Variants in PAPSS2 observed in about 807,000 individuals in gnomAD.
The protein encoded by PAPSS2 is 3'-phosphoadenosine 5'-phosphosulfate synthase 2, also known as bifunctional 3'-phosphoadenosine 5'-phosphosulfate synthase 2.
PAPSS2 carries 61 observed loss-of-function variants against 66.5 expected under a neutral mutation model. The ratio of observed to expected loss-of-function variants is 0.92; its 90% confidence interval spans 0.75 to 1.14. The LOEUF (loss-of-function observed/expected upper bound fraction) is 1.14, where lower values mean the gene tolerates loss of function less well. PAPSS2 is among the 50% of genes most tolerant of loss of function. The probability of loss-of-function intolerance (pLI) is 0.00; values close to 1 mark genes in which losing one functional copy is unlikely to be tolerated. For missense variants in PAPSS2, 708 were observed against 789.6 expected (o/e 0.90, Z 1.24); for synonymous variants, 289 against 287.5 (o/e 1.01, Z -0.05).
intron 1 of PAPSS2, among the ~76,000 whole-genome samples, chr10:87,667,416 A>C (rs1289913146): frequency 1.3e-5 from 2 of 152,102 alleles, no homozygotes; most frequent in East Asian, 1.9e-4. Context: ...ATGCCATTAC[A>C]CTCCAGCCTG....
At chr10:87,737,136 G>T (rs1853810408) in intron 9 of PAPSS2, among the ~76,000 whole-genome samples, 1 of 152,080 alleles carries the variant, frequency 6.6e-6, no homozygotes, top group Non-Finnish European at 1.5e-5. Flanking sequence ...CTCTGGGTGG[G>T]TCTTCCCACC....
chr10:87,706,084 G>GTATATATATATATATATATA (rs532950801), intron 1 of PAPSS2, among the ~76,000 whole-genome samples: 92 of 60,048 alleles, frequency 1.5e-3, no homozygotes, highest in Non-Finnish European at 1.8e-3. Context: ...TCTTCACATG[G>GTATATATATATATATATATA]TATATATATA....
At chr10:87,730,514 C>T (rs1370176556) in intron 9 of PAPSS2, among the ~76,000 whole-genome samples, 1 of 152,090 alleles carries the variant, frequency 6.6e-6, no homozygotes, top group Non-Finnish European at 1.5e-5. Context: ...TTAATGTTTC[C>T]TAGATCCAGC....
intron 1 of PAPSS2, among the ~76,000 whole-genome samples, chr10:87,701,564 T>C (rs1442921877): frequency 6.6e-6 from 1 of 151,758 alleles, no homozygotes; most frequent in Non-Finnish European, 1.5e-5. Flanking sequence ...GCTGGGACTA[T>C]AGGCACGTGC....
intron 1 of PAPSS2, among the ~76,000 whole-genome samples, chr10:87,671,302 C>T (rs147379941): frequency 2.6e-5 from 4 of 152,226 alleles, no homozygotes; most frequent in African/African-American, 9.6e-5. Flanking sequence ...ATGATGCAGG[C>T]GCTTTGAAAG....
chr10:87,661,741 T>C, intron 1 of PAPSS2, among the ~76,000 whole-genome samples: 1 of 152,224 alleles, frequency 6.6e-6, no homozygotes, highest in Non-Finnish European at 1.5e-5. Flanking sequence ...TTGGTTTTTG[T>C]ATTTACACAT....
In PAPSS2 at chr10:87,725,209, G is replaced by A. The variant is rs556014652; in HGVS notation, c.881-2075G>A. ...TATCTGAGTACTGTGGCCTAGCTAAGTTGACATATAACATCAACCATCACA... is the reference window on the plus strand; with the variant it reads ...TATCTGAGTACTGTGGCCTAGCTAAATTGACATATAACATCAACCATCACA... On this transcript the variant is annotated intron_variant, in intron 8 of 12. Transcript: ENST00000456849. Among the ~76,000 whole-genome samples the A allele has an allele frequency of 6.6e-5, 10 of 152,298 alleles. No homozygotes were observed. In the South Asian group the frequency reaches 1.9e-3, roughly 28 times the overall value.
At chr10:87,745,265 T>C (rs1432505721) in intron 12 of PAPSS2, 34 bp downstream of exon 12, 2 of 1,524,012 alleles carry the variant, frequency 1.3e-6, no homozygotes, top group Non-Finnish European at 1.8e-6. Context: ...TTTATCAACA[T>C]CTGTATAAAA....
At chr10:87,715,669 T>C in intron 6 of PAPSS2, 63 bp from the exon 7 acceptor site, 3 of 1,023,514 alleles carry the variant, frequency 2.9e-6, no homozygotes, top group Non-Finnish European at 4.6e-6. Flanking sequence ...AGGACTTCCC[T>C]GGGGCCAGAT....
Position 87,714,131 on chromosome 10 carries a change from A to C in PAPSS2, c.469A>C (p.Ser157Arg). ...FVDAPLNICESRDVKGLYKRA... is the reference protein window; with the variant it reads ...FVDAPLNICERRDVKGLYKRA... ...AGATGCACCTCTAAATATTTGTGAA[A>C]GCAGAGACGTAAAAGGCCTCTATAA... The change falls in exon 4 of 13, where the codon AGC becomes CGC. Residue 157 changes from serine to arginine, a missense_variant. Transcript: ENST00000456849. 1 of 1,614,016 alleles carries C rather than the reference A, an allele frequency of 6.2e-7. No homozygotes were observed. The highest frequency in any genetic ancestry group is 1.1e-5 in the South Asian group (1 of 91,086).
intron 1 of PAPSS2, chr10:87,703,816 T>C: frequency 1.9e-6 from 1 of 518,644 alleles, no homozygotes; most frequent in Admixed American, 1.9e-5. Flanking sequence ...AGTATGCCAC[T>C]AACTTTGGGG....
At chr10:87,708,485 C>A (rs186642282) in intron 1 of PAPSS2, among the ~76,000 whole-genome samples, 1 of 152,162 alleles carries the variant, frequency 6.6e-6, no homozygotes, top group African/African-American at 2.4e-5. Context: ...CTTTCTCTGG[C>A]TCTATAGGGA....
chr10:87,699,845 G>A (rs1291216036), intron 1 of PAPSS2, among the ~76,000 whole-genome samples: 3 of 150,344 alleles, frequency 2.0e-5, no homozygotes, highest in African/African-American at 7.3e-5. Context: ...AACTATTTTG[G>A]CCTCTCCATT....
intron 1 of PAPSS2, among the ~76,000 whole-genome samples, chr10:87,706,140 G>A (rs189808294): frequency 0.13 from 14,359 of 110,250 alleles, 1,288 homozygotes; most frequent in East Asian, 0.17. Context: ...GTGTGTGTGT[G>A]TATATATATA....
rs1268027247 is a variant in PAPSS2, at chr10:87,659,899, T to TGCTGCTGCC, written c.-80_-72dup. The TGCTGCTGCC allele has an allele frequency of 3.5e-6, 5 of 1,415,808 alleles. No homozygotes were observed. In the African/African-American group the frequency reaches 5.6e-5, roughly 16 times the overall value. 87.7% of individuals were successfully genotyped at this position (1,415,808 alleles called of 1,614,324 possible). A position where few individuals can be genotyped will look rare whatever the true frequency, so the allele number is the denominator to read the frequency against. On this transcript the variant is annotated 5_prime_UTR_variant, in exon 1 of 13. Coordinates refer to ENST00000456849, the MANE Select transcript of PAPSS2 (RefSeq NM_001015880.2). ...CGGCAGCCGCTGCTGCTGCTGCTGC[T>TGCTGCTGCC]GCTGCTGCCGCCGCCGCCGCCGCCG...
At chr10:87,691,459 G>A (rs184878407) in intron 1 of PAPSS2, among the ~76,000 whole-genome samples, 96 of 151,332 alleles carry the variant, frequency 6.3e-4, no homozygotes, top group African/African-American at 2.3e-3. Context: ...ACCTAGATTT[G>A]CCTAAGCATT....
intron 9 of PAPSS2, among the ~76,000 whole-genome samples, chr10:87,728,529 C>T (rs936062870): frequency 1.3e-5 from 2 of 152,142 alleles, no homozygotes; most frequent in Admixed American, 1.3e-4. Flanking sequence ...CACCTGAGGT[C>T]GGGAGTTCGA....
chr10:87,683,397 C>T (rs1199667830), intron 1 of PAPSS2, among the ~76,000 whole-genome samples: 1 of 152,204 alleles, frequency 6.6e-6, no homozygotes, highest in African/African-American at 2.4e-5. Context: ...AGGCGTGAGC[C>T]ACCGTGCCTG....
intron 9 of PAPSS2, among the ~76,000 whole-genome samples, chr10:87,740,747 A>G (rs945382738): frequency 6.6e-6 from 1 of 152,242 alleles, no homozygotes; most frequent in Non-Finnish European, 1.5e-5. Context: ...TACTTCAGCC[A>G]AAACAATGTA....
Sources: gnomAD v4.1 joint callset for allele counts (sites outside exome capture counted in the v4.1 genomes callset) on GRCh38, gnomAD v4.1.1 for gene constraint, MANE v1.5 for transcripts, NCBI Gene and HGNC (gene_info 2026-07-23, HGNC 2026-07-21) for gene names.